Variants in DEPDC5 observed in about 807,000 individuals in gnomAD.
DEPDC5 encodes GATOR1 complex protein DEPDC5.
Under a neutral mutation model 217.3 loss-of-function variants are expected in DEPDC5, and 73 were observed. The observed-to-expected ratio is 0.34, with a 90% CI of 0.28 to 0.41. DEPDC5 has a LOEUF of 0.41. Among genes scored for constraint, DEPDC5 ranks in the 10% least tolerant of loss-of-function variants. DEPDC5 has a pLI of 1.00. For missense variants in DEPDC5, 1,675 were observed against 2,070.1 expected, an observed-to-expected ratio of 0.81 and a Z score of 3.70; for synonymous variants, 733 against 756.7, an observed-to-expected ratio of 0.97 and a Z score of 0.51.
At chr22:31,862,574 ATAAT>A (rs2092554441) in intron 33 of DEPDC5, among the ~76,000 whole-genome samples, 1 of 152,240 alleles carries the variant, frequency 6.6e-6, no homozygotes, top group African/African-American at 2.4e-5. Context: ...AAAAAAAATA[ATAAT>A]AACAAAATAG....
intron 18 of DEPDC5, among the ~76,000 whole-genome samples, chr22:31,806,831 G>A (rs1223349779): frequency 6.6e-6 from 1 of 152,102 alleles, no homozygotes; most frequent in Non-Finnish European, 1.5e-5. Context: ...CAAATATAGT[G>A]AGACCCCATT....
chr22:31,808,397 A>G (rs1331841584), intron 18 of DEPDC5, among the ~76,000 whole-genome samples: 1 of 151,488 alleles, frequency 6.6e-6, no homozygotes, highest in Non-Finnish European at 1.5e-5. Flanking sequence ...AGTAGCTGGG[A>G]TTACAGGTGT....
intron 7 of DEPDC5, among the ~76,000 whole-genome samples, chr22:31,775,337 G>A (rs948414601): frequency 1.3e-5 from 2 of 151,866 alleles, no homozygotes; most frequent in Admixed American, 6.6e-5. Flanking sequence ...CTGCCACCAC[G>A]CCTGGCTAAT....
chr22:31,867,795 G>A (rs565740836), intron 33 of DEPDC5, among the ~76,000 whole-genome samples: 8 of 152,154 alleles, frequency 5.3e-5, no homozygotes, highest in Non-Finnish European at 4.4e-5. Flanking sequence ...CCCCTACCCC[G>A]GCTCCCACCA....
chr22:31,846,718 G>A, intron 30 of DEPDC5, 116 bp from the exon 31 acceptor site: 1 of 1,452,282 alleles, frequency 6.9e-7, no homozygotes, highest in Non-Finnish European at 9.5e-7. Context: ...TGTGTTCCTT[G>A]ACCCTGTCCA....
chr22:31,906,779 G>T lies in DEPDC5; in HGVS notation c.*282G>T. The T allele has an allele frequency of 1.9e-6, 1 of 521,562 alleles. No homozygotes were observed. Among genetic ancestry groups the T allele is most frequent in the Admixed American group, 3.4e-5 (1 of 29,702 alleles). The allele number at this position is 521,562 out of a possible 1,614,324, so 32.3% of individuals were successfully genotyped here. On this transcript the variant is annotated 3_prime_UTR_variant, in exon 43 of 43. Coordinates refer to ENST00000651528, the MANE Select transcript of DEPDC5 (RefSeq NM_001242896.3). This position sits in a 1 kb window ranked among gnomAD's most constrained non-coding sequence, Gnocchi z 5.1. The stretch of plus-strand genomic sequence containing the variant: ...GGGAGGCACAGATTGTCCGTGGGAG[G>T]GCTCCAGTGTCTGGGAAGAGGGCAG...
At chr22:31,834,428 A>G (rs76541329) in intron 25 of DEPDC5, among the ~76,000 whole-genome samples, 2,029 of 152,308 alleles carry the variant, frequency 0.013, 23 homozygotes, top group Non-Finnish European at 0.022. Flanking sequence ...AATATCTGTA[A>G]TAATAAAATA....
intron 35 of DEPDC5, 65 bp downstream of exon 35, chr22:31,873,397 G>T (rs995489679): frequency 6.4e-7 from 1 of 1,565,512 alleles, no homozygotes; most frequent in Admixed American, 1.8e-5. Context: ...GCCATGTTTA[G>T]GCAGCGTGGT....
chr22:31,888,427 T>C (rs112252987), intron 38 of DEPDC5, among the ~76,000 whole-genome samples: 3,395 of 151,934 alleles, frequency 0.022, 103 homozygotes, highest in African/African-American at 0.075. Flanking sequence ...TGTTTTTCTA[T>C]TTTTAATAGA....
rs747021717 is a variant in DEPDC5, at chr22:31,819,013, A to T, written c.1667-9A>T. 2 of 1,614,136 alleles carry T rather than the reference A, an allele frequency of 1.2e-6. No homozygotes were observed. Among genetic ancestry groups the T allele is most frequent in the Non-Finnish European group, 8.5e-7 (1 of 1,180,000 alleles). On this transcript the variant is annotated splice_polypyrimidine_tract_variant and intron_variant, in intron 21 of 42. Coordinates refer to ENST00000651528, the MANE Select transcript of DEPDC5 (RefSeq NM_001242896.3). ...TTTCTTTGTGACTCAACTCCATGAT[A>T]ACTGGCAGATGTCCTGGAGAACATG...
chr22:31,859,663 G>A (rs890618763), intron 32 of DEPDC5, among the ~76,000 whole-genome samples: 9 of 152,236 alleles, frequency 5.9e-5, no homozygotes, highest in Non-Finnish European at 1.3e-4. Context: ...AAAGTGCTGG[G>A]ATTACAGGCG....
chr22:31,781,408 G>GA (rs1236190230), intron 8 of DEPDC5, among the ~76,000 whole-genome samples: 1 of 151,630 alleles, frequency 6.6e-6, no homozygotes, highest in Non-Finnish European at 1.5e-5. Flanking sequence ...ACACCAATCA[G>GA]AAAAACATGA....
intron 34 of DEPDC5, 138 bp from the exon 35 acceptor site, chr22:31,873,117 G>A (rs2092896372): frequency 2.6e-6 from 4 of 1,515,674 alleles, no homozygotes; most frequent in Non-Finnish European, 3.6e-6. Context: ...ATAGCTGTTT[G>A]GAATTTACTA....
chr22:31,854,866 A>G (rs2092208127), intron 31 of DEPDC5, among the ~76,000 whole-genome samples: 1 of 152,224 alleles, frequency 6.6e-6, no homozygotes, highest in Non-Finnish European at 1.5e-5. Flanking sequence ...ATAAATTGCA[A>G]GGATAAGGAG....
intron 33 of DEPDC5, among the ~76,000 whole-genome samples, chr22:31,869,837 G>A (rs922582464): frequency 6.6e-6 from 1 of 152,184 alleles, no homozygotes; most frequent in Non-Finnish European, 1.5e-5. Flanking sequence ...TGATGGGATT[G>A]GAACTGTTCT....
intron 33 of DEPDC5, 27 bp downstream of exon 33, chr22:31,861,460 G>T: frequency 6.4e-7 from 1 of 1,551,002 alleles, no homozygotes; most frequent in Non-Finnish European, 8.7e-7. Context: ...GGCTTCGCAT[G>T]CCTGTCCCAC....
intron 31 of DEPDC5, among the ~76,000 whole-genome samples, chr22:31,855,603 C>T (rs1415083484): frequency 3.9e-5 from 6 of 151,918 alleles, no homozygotes; most frequent in African/African-American, 1.2e-4. Context: ...TGGTCTCGAT[C>T]TCTTGACCTC....
intron 10 of DEPDC5, among the ~76,000 whole-genome samples, chr22:31,788,952 G>A (rs951780923): frequency 6.6e-6 from 1 of 152,092 alleles, no homozygotes; most frequent in African/African-American, 2.4e-5. Flanking sequence ...GTGCAGTGCT[G>A]CGATCTCGAA....
At chr22:31,839,785 C>G in intron 27 of DEPDC5, among the ~76,000 whole-genome samples, 1 of 152,282 alleles carries the variant, frequency 6.6e-6, no homozygotes, top group East Asian at 1.9e-4. Flanking sequence ...TTCTGTTCAT[C>G]TTTTTGTCCT....
Sources: allele counts gnomAD v4.1 joint callset (sites outside exome capture counted in the v4.1 genomes callset), GRCh38; gene constraint gnomAD v4.1.1; non-coding constraint Gnocchi (gnomAD v3.1); transcripts MANE v1.5; gene names NCBI Gene and HGNC (gene_info 2026-07-23, HGNC 2026-07-21).